KDM5A: variants seen among roughly 807,000 people sequenced by gnomAD.
The protein encoded by KDM5A is lysine-specific demethylase 5A.
KDM5A carries 42 observed loss-of-function variants against 193.5 expected under a neutral mutation model. The ratio of observed to expected loss-of-function variants is 0.22; its 90% CI spans 0.17 to 0.28. The LOEUF (loss-of-function observed/expected upper bound fraction) is 0.28. Among genes scored for constraint, KDM5A ranks in the 10% least tolerant of loss-of-function variants. The pLI, the probability that KDM5A is intolerant of heterozygous loss-of-function variation, is 1.00. For missense variants in KDM5A, 1,692 were observed against 2,055.1 expected (o/e 0.82, Z 3.42); for synonymous variants, 796 against 718.1 (o/e 1.11, Z -1.73).
At chr12:336,283 C>T (rs947486957) in intron 10 of KDM5A, among the ~76,000 whole-genome samples, 3 of 148,708 alleles carry the variant, frequency 2.0e-5, no homozygotes, top group African/African-American at 7.5e-5. Context: ...CCCGTGAGCC[C>T]GGGAGATTGA....
chr12:285,485 G>C lies in KDM5A; in HGVS notation c.5044C>G (p.Pro1682Ala), dbSNP rs1943209679. Residue 1682 changes from proline (P) to alanine (A), a missense_variant, in exon 28 of 28, where the codon CCA (proline) becomes GCA (alanine). Transcript: ENST00000399788. Reference sequence around the variant, plus strand: ...CTGGTCTCTTTAAGATCCTCCATTGGTAGTTTGTAGCTCATTATGAAGGAA... The same window carrying C: ...CTGGTCTCTTTAAGATCCTCCATTGCTAGTTTGTAGCTCATTATGAAGGAA... ...PPSFIMSYKL[P>A]MEDLKETS The C allele has an allele frequency of 1.2e-6, 2 of 1,613,988 alleles. No homozygotes were observed.
intron 3 of KDM5A, among the ~76,000 whole-genome samples, chr12:367,103 T>C (rs895264782): frequency 3.9e-5 from 6 of 152,164 alleles, no homozygotes; most frequent in Non-Finnish European, 8.8e-5. Flanking sequence ...AATAATGAAA[T>C]CCTCATGTTT....
intron 10 of KDM5A, among the ~76,000 whole-genome samples, chr12:345,262 C>A (rs958917026): frequency 2.0e-5 from 3 of 152,134 alleles, no homozygotes; most frequent in Admixed American, 1.3e-4. Flanking sequence ...CACCCAGATT[C>A]CTAAAGCAAG....
chr12:357,986 G>A (rs553930627), intron 5 of KDM5A, among the ~76,000 whole-genome samples: 45 of 152,156 alleles, frequency 3.0e-4, no homozygotes, highest in Admixed American at 1.0e-3. Context: ...AAGCAAGGCA[G>A]AAAGATGGAA....
chr12:349,145 C>T (rs1315644262), intron 10 of KDM5A, among the ~76,000 whole-genome samples: 3 of 151,406 alleles, frequency 2.0e-5, no homozygotes, highest in African/African-American at 7.3e-5. Context: ...CTTAGCCTCC[C>T]AAGTAGCTAG....
rs183008383 is a variant in KDM5A, at chr12:349,542, C to G, written c.1308+1079G>C. 2.9e-3 allele frequency among the ~76,000 whole-genome samples: 443 copies of G among 150,504 alleles called. 2 individuals are homozygous for G. Among genetic ancestry groups the G allele is most frequent in the African/African-American group, 0.01 (425 of 41,050 alleles). On this transcript the variant is annotated intron_variant, in intron 10 of 27. Transcript: ENST00000399788. Reference sequence around the variant, plus strand: ...ACGTGGTTTCACCATCTTGGCCAGGCTGGTCTTGAACTCCTGACCTCGTGA... The same window carrying G: ...ACGTGGTTTCACCATCTTGGCCAGGGTGGTCTTGAACTCCTGACCTCGTGA...
At chr12:311,359 G>C in intron 20 of KDM5A, 1 of 392,816 alleles carries the variant, frequency 2.5e-6, no homozygotes, top group Non-Finnish European at 4.8e-6. Flanking sequence ...AACACAGTTA[G>C]CAGGCCAGGC....
At chr12:351,824 C>A (rs1463788230) in intron 9 of KDM5A, among the ~76,000 whole-genome samples, 2 of 151,726 alleles carry the variant, frequency 1.3e-5, no homozygotes, top group South Asian at 4.2e-4. Flanking sequence ...CAAAAATTGG[C>A]TGGGCGCAGT....
At position 326,636 on chromosome 12, in the gene KDM5A, C is replaced by T. The variant is rs528546479; in HGVS notation, c.1968+2199G>A. 5.1e-4 allele frequency among the ~76,000 whole-genome samples: 78 copies of T among 152,118 alleles called. 1 individual carries two copies. The South Asian group carries it at 0.015, about 30-fold the overall frequency. ...CAGCACTTTGGGAGGCCGAGGTGGA[C>T]GGATCACGAGGTCAGGAGATCGAGA... On this transcript the variant is annotated intron_variant, in intron 14 of 27. Transcript: ENST00000399788.
intron 21 of KDM5A, among the ~76,000 whole-genome samples, 159 bp from the exon 22 acceptor site, chr12:310,123 G>T (rs957965260): frequency 6.6e-6 from 1 of 152,134 alleles, no homozygotes; most frequent in Non-Finnish European, 1.5e-5. Context: ...ACAACCCTAT[G>T]TAGTAGGTAT....
At chr12:385,706 T>C (rs540299259) in intron 2 of KDM5A, among the ~76,000 whole-genome samples, 191 bp downstream of exon 2, 45 of 152,310 alleles carry the variant, frequency 3.0e-4, no homozygotes, top group African/African-American at 1.1e-3. Context: ...CTCAGTTAAA[T>C]GGAAAAACCA....
rs377598629 is a variant in KDM5A at position 315,170 on chromosome 12, A to G, written c.2898-1976T>C. ...AAGGAATAATCCTACAAGCAGTCCA[A>G]GTGAAAAGATTCTTTTCAAAACAGC... On this transcript the variant is annotated intron_variant, in intron 19 of 27. Coordinates refer to ENST00000399788, the MANE Select transcript of KDM5A (RefSeq NM_001042603.3). Among the ~76,000 whole-genome samples, 27 of 152,262 alleles carry G rather than the reference A, an allele frequency of 1.8e-4. 2 individuals are homozygous for G. Among genetic ancestry groups the G allele is most frequent in the Admixed American group, 1.2e-3 (18 of 15,284 alleles).
Position 310,901 on chromosome 12 carries a change from C to A in KDM5A, c.3200G>T (p.Ser1067Ile). Reference sequence around the variant, plus strand: ...TTCAAGTACCTGTAACAATGTATGGCTAGAATTCTTCTTAAGAAACGTCCG... The same window carrying A: ...TTCAAGTACCTGTAACAATGTATGGATAGAATTCTTCTTAAGAAACGTCCG... Reference protein sequence around the residue: ...TGRTFLKKNSSHTLLQVLSPR... With the variant: ...TGRTFLKKNSIHTLLQVLSPR... Residue 1067 changes from serine (S) to isoleucine (I), a missense_variant, in exon 21 of 28, where the codon AGC becomes ATC. By Grantham distance (142) the Ser-to-Ile change is moderately radical. This residue lies in a region of KDM5A where 965 missense variants were observed against 1,061.0 expected (regional missense o/e 0.91). Coordinates refer to ENST00000399788, the MANE Select transcript of KDM5A (RefSeq NM_001042603.3). 1 of 1,614,200 alleles carries A rather than the reference C, an allele frequency of 6.2e-7. No homozygotes were observed. The highest frequency in any genetic ancestry group is 8.5e-7 in the Non-Finnish European group (1 of 1,180,022).
At chr12:373,775 TTG>T (rs1944464630) in intron 3 of KDM5A, among the ~76,000 whole-genome samples, 2 of 152,344 alleles carry the variant, frequency 1.3e-5, no homozygotes, top group South Asian at 4.1e-4. Flanking sequence ...TTCTGGTATG[TTG>T]TGTTTTTGTT....
At chr12:383,506 C>T (rs888707019) in intron 3 of KDM5A, among the ~76,000 whole-genome samples, 4 of 151,870 alleles carry the variant, frequency 2.6e-5, no homozygotes, top group African/African-American at 7.3e-5. Context: ...CATGAGCCAC[C>T]GTGCCTGGCC....
At chr12:322,877 C>T (rs74055630) in intron 16 of KDM5A, among the ~76,000 whole-genome samples, 3,217 of 152,062 alleles carry the variant, frequency 0.021, 93 homozygotes, top group African/African-American at 0.073. Context: ...GTCAGATGTC[C>T]GGCCCATTTT....
Position 306,962 on chromosome 12 carries a change from T to C in KDM5A, c.4058A>G (p.Tyr1353Cys). ...TDSDEDIRET[Y>C]GYDMKDTASV... ...TGTAACTACCTTCATGTCGTAGCCA[T>C]ATGTCTCTCGAATGTCTTCATCAGA... Residue 1353 changes from tyrosine (Y) to cysteine (C), a missense_variant, in exon 24 of 28, where the codon TAT (tyrosine) becomes TGT (cysteine). Around this residue, in one of 11 missense-constraint regions of KDM5A, gnomAD observed 965 missense variants for 1,061.0 expected, o/e 0.91. Coordinates refer to ENST00000399788, the MANE Select transcript of KDM5A (RefSeq NM_001042603.3). 1.2e-6 allele frequency: 2 copies of C among 1,613,836 alleles called. No individual in the cohort carries two copies. Among genetic ancestry groups the C allele is most frequent in the Non-Finnish European group, 1.7e-6 (2 of 1,179,926 alleles).
In KDM5A at chr12:285,445, C is replaced by T; in HGVS notation, c.*11G>A. The T allele has an allele frequency of 6.2e-7, 1 of 1,612,656 alleles. No homozygotes were observed. Among genetic ancestry groups the T allele is most frequent in the Non-Finnish European group, 8.5e-7 (1 of 1,178,798 alleles). On this transcript the variant is annotated 3_prime_UTR_variant, in exon 28 of 28. Coordinates refer to ENST00000399788, the MANE Select transcript of KDM5A (RefSeq NM_001042603.3). ...CATGTCCCCCCATGTCCCAAACTAA[C>T]CAAGCATCTGCTAACTGGTCTCTTT...
intron 10 of KDM5A, among the ~76,000 whole-genome samples, chr12:346,743 C>T (rs55678851): frequency 4.6e-5 from 7 of 152,160 alleles, no homozygotes; most frequent in Non-Finnish European, 5.9e-5. Flanking sequence ...TCTCAATAAA[C>T]GAGGTATTGA....
Sources: allele counts gnomAD v4.1 joint callset (sites outside exome capture counted in the v4.1 genomes callset), GRCh38; gene constraint gnomAD v4.1.1; regional missense constraint gnomAD v4.1.1; transcripts MANE v1.5; gene names NCBI Gene and HGNC (gene_info 2026-07-23, HGNC 2026-07-21).